The following LYZL2 variants were observed in gnomAD, a reference collection of about 807,000 sequenced individuals.
The protein encoded by LYZL2 is lysozyme like 2, also known as lysozyme-like protein 2.
Under a neutral mutation model 17.1 loss-of-function variants are expected in LYZL2, and 13 were observed. The ratio of observed to expected loss-of-function variants is 0.76; its 90% CI spans 0.49 to 1.21. The LOEUF (loss-of-function observed/expected upper bound fraction) is 1.21, where lower values mean the gene tolerates loss of function less well. Among genes scored for constraint, LYZL2 ranks in the 50% most tolerant of loss-of-function variants. LYZL2 has a pLI of 0.00. For synonymous variants in LYZL2, 63 were observed against 74.4 expected (o/e 0.85, Z 0.79); for missense variants, 166 against 189.2 (o/e 0.88, Z 0.72).
chr10:30,629,491 G>A lies in LYZL2; in HGVS notation c.-26+102C>T, dbSNP rs1052944775. 46 of 1,141,104 alleles carry A rather than the reference G, an allele frequency of 4.0e-5. No homozygotes were observed. In the Admixed American group the frequency reaches 8.6e-4, roughly 21 times the overall value. The allele number at this position is 1,141,104 out of a possible 1,614,324, so 70.7% of individuals were successfully genotyped here. ...TCTCAAACAAGTCAAAACAAAACCCGTAGCAATGATAACCCCAAGCATCAT... is the reference window on the plus strand; with the variant it reads ...TCTCAAACAAGTCAAAACAAAACCCATAGCAATGATAACCCCAAGCATCAT... On this transcript the variant is annotated intron_variant, in intron 1 of 4. Transcript: ENST00000647634.
intron 3 of LYZL2, among the ~76,000 whole-genome samples, chr10:30,621,938 A>C (rs182268330): frequency 1.3e-5 from 2 of 152,232 alleles, no homozygotes; most frequent in Admixed American, 1.3e-4. Flanking sequence ...TGTGAGGTAC[A>C]CAAATATAGA....
chr10:30,609,673 T>G (rs1241685279), downstream of LYZL2, among the ~76,000 whole-genome samples: 1 of 152,198 alleles, frequency 6.6e-6, no homozygotes, highest in Non-Finnish European at 1.5e-5. Context: ...AACCAACAGA[T>G]AATGTGGCCA....
At chr10:30,622,729 A>C (rs1937047825) in intron 3 of LYZL2, among the ~76,000 whole-genome samples, 1 of 152,164 alleles carries the variant, frequency 6.6e-6, no homozygotes, top group Non-Finnish European at 1.5e-5. Flanking sequence ...CTGCTTTCAC[A>C]CTATGTCATG....
rs190834475 is a variant in LYZL2 at position 30,618,611 on chromosome 10, T to C, written c.299-5711A>G. Reference sequence around the variant, plus strand: ...TATTTAATAAATGGTGCTGGGAAAATTGGCAGGCCATATGTAGAAAGCTGA... The same window carrying C: ...TATTTAATAAATGGTGCTGGGAAAACTGGCAGGCCATATGTAGAAAGCTGA... On this transcript the variant is annotated intron_variant, in intron 3 of 4. Coordinates refer to ENST00000647634, the MANE Select transcript of LYZL2 (RefSeq NM_183058.3). Among the ~76,000 whole-genome samples the C allele has an allele frequency of 2.6e-5, 4 of 152,212 alleles. No individual in the cohort carries two copies. In the East Asian group the frequency reaches 5.8e-4, roughly 22 times the overall value.
rs141716366 is a variant in LYZL2, at chr10:30,626,114, C to T, written c.289G>A (p.Ala97Thr). ...KLKENNHCHV[A>T]CSALVTDDLT... ...AAAGTCAGAGCCTCACCTGAGCAGG[C>T]GACGTGGCAGTGGTTGTTCTCCTTC... The change falls in exon 3 of 5, where the codon GCC becomes ACC. Residue 97 changes from alanine to threonine, a missense_variant. By Grantham distance (58) the Ala-to-Thr change is moderately conservative. Around this residue, in one of 2 missense-constraint regions of LYZL2, gnomAD observed 134 missense variants for 129.4 expected, o/e 1.04. Transcript: ENST00000647634. The T allele has an allele frequency of 1.3e-3, 2,044 of 1,613,768 alleles. 16 individuals are homozygous for T. The highest frequency in any genetic ancestry group is 9.5e-3 in the South Asian group (863 of 91,016).
chr10:30,619,798 G>T (rs995312241), intron 3 of LYZL2, among the ~76,000 whole-genome samples: 2 of 151,526 alleles, frequency 1.3e-5, no homozygotes, highest in Non-Finnish European at 2.9e-5. Flanking sequence ...TGCACGTTGT[G>T]TACATGTACC....
chr10:30,619,045 A>G (rs1470909082), intron 3 of LYZL2, among the ~76,000 whole-genome samples: 1 of 152,278 alleles, frequency 6.6e-6, no homozygotes, highest in Non-Finnish European at 1.5e-5. Flanking sequence ...TCAAAAGAAG[A>G]TATTTATGCA....
chr10:30,616,182 C>A (rs1838524702), intron 3 of LYZL2, among the ~76,000 whole-genome samples: 1 of 152,132 alleles, frequency 6.6e-6, no homozygotes, highest in African/African-American at 2.4e-5. Context: ...TTAGGCTTCA[C>A]TAGAAGATAA....
intron 3 of LYZL2, among the ~76,000 whole-genome samples, chr10:30,624,710 CAG>C (rs1246460890): frequency 1.3e-5 from 2 of 152,292 alleles, no homozygotes; most frequent in East Asian, 1.9e-4. Flanking sequence ...TGTGTGGAGA[CAG>C]AGTCTGGCTG....
In LYZL2 at chr10:30,626,161, G is replaced by C. The variant is rs150085281; in HGVS notation, c.242C>G (p.Ala81Gly). Residue 81 changes from alanine to glycine, a missense_variant, in exon 3 of 5, where the codon GCG becomes GGG. Around this residue, in one of 2 missense-constraint regions of LYZL2, gnomAD observed 134 missense variants for 129.4 expected, o/e 1.04. Transcript: ENST00000647634. ...CTTCAGCTTTCCGCGTCTGCACCAC[G>C]CGAAGCTGTTGATCTGGAAGATGCC... ...DYGIFQINSF[A>G]WCRRGKLKEN... 6.8e-6 allele frequency: 11 copies of C among 1,614,130 alleles called. No individual in the cohort carries two copies. Among genetic ancestry groups the C allele is most frequent in the Non-Finnish European group, 9.3e-6 (11 of 1,180,046 alleles).
downstream of LYZL2, among the ~76,000 whole-genome samples, chr10:30,609,413 C>A (rs1376961251): frequency 6.6e-6 from 1 of 152,120 alleles, no homozygotes; most frequent in African/African-American, 2.4e-5. Context: ...TTGGGAAAAA[C>A]CAGGAGCAAG....
chr10:30,612,779 T>A, intron 4 of LYZL2, 43 bp downstream of exon 4: 1 of 1,439,818 alleles, frequency 6.9e-7, no homozygotes, highest in Non-Finnish European at 9.6e-7. Flanking sequence ...ACACACTAGG[T>A]TTTGCCCATG....
downstream of LYZL2, among the ~76,000 whole-genome samples, chr10:30,609,093 C>T (rs1838404796): frequency 6.6e-6 from 1 of 152,184 alleles, no homozygotes; most frequent in African/African-American, 2.4e-5. Flanking sequence ...CCTGCCTTGG[C>T]ATCCTACAGT....
At chr10:30,613,674 C>CT (rs1224072230) in intron 3 of LYZL2, among the ~76,000 whole-genome samples, 1 of 151,872 alleles carries the variant, frequency 6.6e-6, no homozygotes, top group African/African-American at 2.4e-5. Context: ...AAAGTTTTAC[C>CT]TTTTAAATCA....
intron 3 of LYZL2, among the ~76,000 whole-genome samples, chr10:30,613,499 GA>G (rs34156491): frequency 0.015 from 1,896 of 125,692 alleles, 35 homozygotes; most frequent in African/African-American, 0.046. Context: ...TCTGTCTTAA[GA>G]AAAAAAAAAA....
At position 30,623,488 on chromosome 10, in the gene LYZL2, A is replaced by G. The variant is rs527655217; in HGVS notation, c.298+2617T>C. ...GGTGAGTGAGTGAATCTTCATCTGT[A>G]TTTACAGACCCTCCCCATCTCCCAC... On this transcript the variant is annotated intron_variant, in intron 3 of 4. Coordinates refer to ENST00000647634, the MANE Select transcript of LYZL2 (RefSeq NM_183058.3). Among the ~76,000 whole-genome samples the G allele has an allele frequency of 2.0e-5, 3 of 152,206 alleles. No homozygotes were observed. In the East Asian group the frequency reaches 5.8e-4, roughly 29 times the overall value.
At chr10:30,610,487 G>C (rs1240349154), downstream of LYZL2, among the ~76,000 whole-genome samples, 2 of 152,128 alleles carry the variant, frequency 1.3e-5, no homozygotes, top group Admixed American at 1.3e-4. Context: ...AGTGGGAGTT[G>C]AACAATGAGA....
intron 2 of LYZL2, 55 bp downstream of exon 2, chr10:30,626,722 A>G (rs1046627840): frequency 1.2e-6 from 2 of 1,607,778 alleles, no homozygotes; most frequent in African/African-American, 1.3e-5. Context: ...AGGACCTTCA[A>G]CATCTCAGGG....
Position 30,619,183 on chromosome 10 carries a change from G to T in LYZL2, c.299-6283C>A, listed in dbSNP as rs559621139. On this transcript the variant is annotated intron_variant, in intron 3 of 4. Transcript: ENST00000647634. ...ATTAAAAAGTCAGGAAACAACAGGTGCTAGAGAGGATGTGGAGAAATAGGA... is the reference window on the plus strand; with the variant it reads ...ATTAAAAAGTCAGGAAACAACAGGTTCTAGAGAGGATGTGGAGAAATAGGA... Among the ~76,000 whole-genome samples the T allele has an allele frequency of 2.0e-5, 3 of 152,314 alleles. No individual in the cohort carries two copies. The East Asian group carries it at 5.8e-4, about 29-fold the overall frequency.
Sources: gnomAD v4.1 joint callset for allele counts (sites outside exome capture counted in the v4.1 genomes callset) on GRCh38, gnomAD v4.1.1 for gene constraint, gnomAD v4.1.1 regional missense constraint, MANE v1.5 for transcripts, NCBI Gene and HGNC (gene_info 2026-07-23, HGNC 2026-07-21) for gene names.